KIF26B: variants seen among roughly 807,000 people sequenced by gnomAD.
KIF26B encodes kinesin family member 26B, also known as kinesin-like protein KIF26B.
A neutral mutation model predicts 151.2 loss-of-function variants in KIF26B; 63 were observed. The ratio of observed to expected loss-of-function variants is 0.42; its 90% CI spans 0.34 to 0.51. KIF26B has a LOEUF of 0.51. Among genes scored for constraint, KIF26B ranks in the 20% least tolerant of loss-of-function variants. KIF26B has a pLI of 0.07. For synonymous variants in KIF26B, 1,357 were observed against 1,262.1 expected, an observed-to-expected ratio of 1.08 and a Z score of -1.59; for missense variants, 2,813 against 2,913.6, an observed-to-expected ratio of 0.97 and a Z score of 0.79.
chr1:245,609,736 G>A (rs2043498531), intron 8 of KIF26B, among the ~76,000 whole-genome samples: 1 of 152,034 alleles, frequency 6.6e-6, no homozygotes, highest in Admixed American at 6.5e-5. Context: ...AATTGACAAT[G>A]AGCAGGGACC....
intron 10 of KIF26B, among the ~76,000 whole-genome samples, chr1:245,663,310 T>C (rs2147935331): frequency 6.6e-6 from 1 of 152,206 alleles, no homozygotes; most frequent in South Asian, 2.1e-4. Context: ...TTTGGTTTTC[T>C]AGTTGCTTAA....
At chr1:245,229,845 C>T (rs953362982) in intron 2 of KIF26B, among the ~76,000 whole-genome samples, 2 of 152,050 alleles carry the variant, frequency 1.3e-5, no homozygotes, top group Non-Finnish European at 2.9e-5. Context: ...CAAATAAAAC[C>T]ACTCAGAGGC....
chr1:245,287,528 A>C (rs1573754502), intron 2 of KIF26B, among the ~76,000 whole-genome samples: 1 of 100,930 alleles, frequency 9.9e-6, no homozygotes, highest in Admixed American at 1.5e-4. Flanking sequence ...CCTGTGGCGG[A>C]GTTTCGCTCT....
intron 4 of KIF26B, among the ~76,000 whole-genome samples, chr1:245,435,980 C>T (rs1658920800): frequency 6.6e-6 from 1 of 152,092 alleles, no homozygotes; most frequent in Non-Finnish European, 1.5e-5. Flanking sequence ...AGTTCGAGAC[C>T]AGCCTGGCCA....
intron 2 of KIF26B, among the ~76,000 whole-genome samples, chr1:245,257,746 G>T (rs181496674): frequency 6.6e-6 from 1 of 152,300 alleles, no homozygotes; most frequent in Non-Finnish European, 1.5e-5. Flanking sequence ...GTCAGGCCGG[G>T]TGCAGTGGCT....
intron 2 of KIF26B, among the ~76,000 whole-genome samples, chr1:245,216,832 G>A (rs1669656092): frequency 6.6e-6 from 1 of 152,214 alleles, no homozygotes; most frequent in Non-Finnish European, 1.5e-5. Context: ...CTTCAAAGGA[G>A]GACCACGTTC....
At chr1:245,252,214 T>C (rs1670457318) in intron 2 of KIF26B, among the ~76,000 whole-genome samples, 1 of 149,582 alleles carries the variant, frequency 6.7e-6, no homozygotes, top group Non-Finnish European at 1.5e-5. Flanking sequence ...AGTTTGAGGC[T>C]GCAATGAGTC....
At chr1:245,162,900 C>T (rs1010681741) in intron 2 of KIF26B, among the ~76,000 whole-genome samples, 3 of 152,124 alleles carry the variant, frequency 2.0e-5, no homozygotes, top group Non-Finnish European at 2.9e-5. Flanking sequence ...ATGTTTTCTT[C>T]TAGTATTTAA....
rs767467236 is a variant in KIF26B, at chr1:245,688,191, C to G, written c.5208C>G (p.Ser1736Arg). Residue 1736 changes from serine to arginine, a missense_variant, in exon 12 of 15, where the codon AGC (serine) becomes AGG (arginine). This residue lies in a region of KIF26B where 2,060 missense variants were observed against 2,088.6 expected (regional missense o/e 0.99). Coordinates refer to ENST00000407071, the MANE Select transcript of KIF26B (RefSeq NM_018012.4). ...GCCAGTCCAAGATCTCCGCCGTGAG[C>G]AGACTCCTCCTGGCCAGCCCCAGAG... ...KAGQSKISAVSRLLLASPRAR... is the reference protein window; with the variant it reads ...KAGQSKISAVRRLLLASPRAR... 2 of 1,597,036 alleles carry G rather than the reference C, an allele frequency of 1.3e-6. No individual in the cohort carries two copies. Among genetic ancestry groups the G allele is most frequent in the Non-Finnish European group, 1.7e-6 (2 of 1,178,092 alleles).
At chr1:245,171,862 C>T (rs980206074) in intron 2 of KIF26B, among the ~76,000 whole-genome samples, 14 of 152,106 alleles carry the variant, frequency 9.2e-5, no homozygotes, top group East Asian at 3.9e-4. Context: ...TTGGTTTCCT[C>T]GCTTGCACGA....
At position 245,394,689 on chromosome 1, in the gene KIF26B, T is replaced by TTTC. The variant is rs1491359308; in HGVS notation, c.1000-24888_1000-24887insCTT. The stretch of plus-strand genomic sequence containing the variant: ...AAGTACCTTCAAGTTTTTTTCTTTC[T>TTTC]TTTTTTTTTTTTTTTTTTGAGATGG... On this transcript the variant is annotated intron_variant, in intron 3 of 14. Coordinates refer to ENST00000407071, the MANE Select transcript of KIF26B (RefSeq NM_018012.4). Among the ~76,000 whole-genome samples, 103 of 124,788 alleles carry TTTC rather than the reference T, an allele frequency of 8.3e-4. 5 individuals carry two copies. The highest frequency in any genetic ancestry group is 3.3e-3 in the African/African-American group (95 of 28,524). The allele number at this position is 124,788 out of a possible 152,430, so 81.9% of individuals were successfully genotyped here.
At chr1:245,363,898 G>A (rs1229368171) in intron 2 of KIF26B, among the ~76,000 whole-genome samples, 2 of 152,192 alleles carry the variant, frequency 1.3e-5, no homozygotes, top group Non-Finnish European at 2.9e-5. Context: ...TGCTTTGGCT[G>A]GCACAGCTGT....
intron 2 of KIF26B, among the ~76,000 whole-genome samples, chr1:245,246,104 A>G (rs1317344050): frequency 3.2e-5 from 2 of 61,866 alleles, no homozygotes; most frequent in African/African-American, 1.1e-4. Flanking sequence ...AAAAGAAAAA[A>G]AAAAAAAAAA....
chr1:245,511,264 AG>A (rs1660831112), intron 4 of KIF26B: 1 of 636,392 alleles, frequency 1.6e-6, no homozygotes, highest in African/African-American at 1.8e-5. Context: ...AGAAGTTAGG[AG>A]GGTCCAGGTT....
rs146765892 is a variant in KIF26B at position 245,171,215 on chromosome 1, T to A, written c.465+14532T>A. On this transcript the variant is annotated intron_variant, in intron 2 of 14. Coordinates refer to ENST00000407071, the MANE Select transcript of KIF26B (RefSeq NM_018012.4). ...GAGCACCTCTTCAGCACATTATATC[T>A]CTTCAGCACATCGTTTAAGAGCATC... Among the ~76,000 whole-genome samples, 1,325 of 152,332 alleles carry A rather than the reference T, an allele frequency of 8.7e-3. 11 individuals carry two copies. Among genetic ancestry groups the A allele is most frequent in the Middle Eastern group, 0.017 (5 of 292 alleles).
At position 245,698,920 on chromosome 1, in the gene KIF26B, C is replaced by G. The variant is rs754914553; in HGVS notation, c.6061C>G (p.Leu2021Val). ...AMCFNAKLKI[L>V]EHRQQRIAEV... ...GTGCTTCAATGCAAAGCTGAAGATTCTGGAACACCGCCAGCAGAGGATCGC... is the reference window on the plus strand; with the variant it reads ...GTGCTTCAATGCAAAGCTGAAGATTGTGGAACACCGCCAGCAGAGGATCGC... The change falls in exon 14 of 15, where the codon CTG becomes GTG. Residue 2021 changes from leucine (L) to valine (V), a missense_variant. Physicochemically the swap from Leu to Val is conservative, Grantham distance 32. Around this residue, in one of 3 missense-constraint regions of KIF26B, gnomAD observed 2,060 missense variants for 2,088.6 expected, o/e 0.99. Coordinates refer to ENST00000407071, the MANE Select transcript of KIF26B (RefSeq NM_018012.4). This position sits in a 1 kb window ranked among gnomAD's most constrained non-coding sequence, Gnocchi z 4.0. 1 of 1,614,006 alleles carries G rather than the reference C, an allele frequency of 6.2e-7. No individual in the cohort carries two copies. Among genetic ancestry groups the G allele is most frequent in the South Asian group, 1.1e-5 (1 of 91,086 alleles).
intron 4 of KIF26B, among the ~76,000 whole-genome samples, chr1:245,444,029 TAGAGGA>T (rs1194760852): frequency 4.6e-5 from 6 of 131,128 alleles, no homozygotes; most frequent in Non-Finnish European, 6.5e-5. Context: ...ACTGTTCATC[TAGAGGA>T]GAGGTCATCT....
chr1:245,684,334 A>G lies in KIF26B; in HGVS notation c.2360A>G (p.Glu787Gly), dbSNP rs1294737013. ...HISAAVGSYA[E>G]TLSTIQIASR... ...TCGGCCGCGGTCGGGAGCTACGCGG[A>G]GACCCTGTCCACCATCCAGATTGCA... is the stretch of plus-strand genomic sequence containing the variant. The change falls in exon 11 of 15, where the codon GAG (glutamate) becomes GGG (glycine). Residue 787 changes from glutamate (E) to glycine (G), a missense_variant. Physicochemically the swap from Glu to Gly is moderately conservative, Grantham distance 98 (BLOSUM62 -2). Coordinates refer to ENST00000407071, the MANE Select transcript of KIF26B (RefSeq NM_018012.4). The G allele has an allele frequency of 6.2e-7, 1 of 1,613,970 alleles. No homozygotes were observed.
At chr1:245,232,408 A>G (rs908328607) in intron 2 of KIF26B, among the ~76,000 whole-genome samples, 1 of 152,234 alleles carries the variant, frequency 6.6e-6, no homozygotes, top group African/African-American at 2.4e-5. Context: ...TCTTACAAAC[A>G]TTAAAAATGT....
Sources: gnomAD v4.1 joint callset for allele counts (sites outside exome capture counted in the v4.1 genomes callset) on GRCh38, gnomAD v4.1.1 for gene constraint, gnomAD v4.1.1 regional missense constraint, Gnocchi (gnomAD v3.1) non-coding constraint, MANE v1.5 for transcripts, NCBI Gene and HGNC (gene_info 2026-07-23, HGNC 2026-07-21) for gene names.